The following C1QTNF3 variants were observed in gnomAD, a reference collection of about 807,000 sequenced individuals.
The protein encoded by C1QTNF3 is complement C1q tumor necrosis factor-related protein 3.
C1QTNF3 carries 26 observed loss-of-function variants against 32.6 expected under a neutral mutation model. The ratio of observed to expected loss-of-function variants is 0.80; its 90% confidence interval spans 0.58 to 1.11. The LOEUF (loss-of-function observed/expected upper bound fraction) is 1.11, where lower values mean the gene tolerates loss of function less well. Ranked by LOEUF, C1QTNF3 falls within the 50% of genes least tolerant of loss-of-function variation. The pLI, the probability that C1QTNF3 is intolerant of heterozygous loss-of-function variation, is 0.00. For synonymous variants in C1QTNF3, 155 were observed against 146.0 expected (o/e 1.06, Z -0.44); for missense variants, 362 against 398.2 (o/e 0.91, Z 0.77).
At chr5:34,094,533 G>A in the C1QTNF3 span, among the ~76,000 whole-genome samples, 1 of 149,092 alleles carries the variant, frequency 6.7e-6, no homozygotes, top group Non-Finnish European at 1.5e-5. Context: ...TTGCATTTGG[G>A]ATTTCCATTT....
chr5:34,131,091 A>G, the C1QTNF3 span, among the ~76,000 whole-genome samples: 1 of 152,250 alleles, frequency 6.6e-6, no homozygotes, highest in Admixed American at 6.5e-5. Context: ...TAAAAATGCA[A>G]CCACATATAC....
At chr5:34,237,149 A>C in the C1QTNF3 span, among the ~76,000 whole-genome samples, 32 of 152,322 alleles carry the variant, frequency 2.1e-4, no homozygotes, top group Admixed American at 3.9e-4. Context: ...AAGAGGTTAC[A>C]TAAAGGTAAG....
At chr5:34,211,005 G>A in the C1QTNF3 span, among the ~76,000 whole-genome samples, 26 of 151,448 alleles carry the variant, frequency 1.7e-4, no homozygotes, top group Admixed American at 1.7e-3. Context: ...CAAAAACACT[G>A]CATTTTATTA....
At chr5:34,208,012 A>G in the C1QTNF3 span, among the ~76,000 whole-genome samples, 50 of 152,070 alleles carry the variant, frequency 3.3e-4, no homozygotes, top group South Asian at 4.6e-3. Context: ...CAATGGTCTC[A>G]ATCACCTGAC....
At chr5:34,049,806 T>C in the C1QTNF3 span, among the ~76,000 whole-genome samples, 1 of 152,228 alleles carries the variant, frequency 6.6e-6, no homozygotes, top group Non-Finnish European at 1.5e-5. Flanking sequence ...TTGTTTCCTC[T>C]TCAGGGTCCC....
chr5:34,068,812 G>A, the C1QTNF3 span, among the ~76,000 whole-genome samples: 7 of 152,068 alleles, frequency 4.6e-5, no homozygotes, highest in Non-Finnish European at 1.0e-4. Context: ...ATGTGAAAAG[G>A]CAGAACTCTT....
chr5:34,033,437 T>C lies in C1QTNF3; in HGVS notation c.437A>G (p.Asn146Ser). ...GIPGNHGNNG[N>S]NGATGHEGAK... ...TCCTTCATGACCAGTGGCTCCATTG[T>C]TGCCATTGTTTCCATGGTTTCCTTA... The change falls in exon 3 of 6, where the codon AAC (asparagine) becomes AGC (serine). Residue 146 changes from asparagine to serine, a missense_variant. Coordinates refer to ENST00000382065, the MANE Select transcript of C1QTNF3 (RefSeq NM_181435.6). 1 of 1,614,240 alleles carries C rather than the reference T, an allele frequency of 6.2e-7. No individual in the cohort carries two copies. Among genetic ancestry groups the C allele is most frequent in the Non-Finnish European group, 8.5e-7 (1 of 1,180,032 alleles).
At chr5:34,142,752 C>T in the C1QTNF3 span, among the ~76,000 whole-genome samples, 1 of 152,214 alleles carries the variant, frequency 6.6e-6, no homozygotes. Flanking sequence ...AGGTCTGGCC[C>T]TCTGAAAACA....
chr5:34,080,598 C>T, the C1QTNF3 span, among the ~76,000 whole-genome samples: 91 of 151,828 alleles, frequency 6.0e-4, 4 homozygotes, highest in African/African-American at 2.1e-3. Flanking sequence ...TAAATAAATA[C>T]ATTTTACAGG....
chr5:34,085,136 G>A, the C1QTNF3 span, among the ~76,000 whole-genome samples: 9,170 of 148,180 alleles, frequency 0.062, 1,085 homozygotes, highest in African/African-American at 0.21. Flanking sequence ...GACTACAGGC[G>A]CCTGCCACTA....
chr5:34,238,736 A>G, the C1QTNF3 span, among the ~76,000 whole-genome samples: 1 of 152,062 alleles, frequency 6.6e-6, no homozygotes, highest in Non-Finnish European at 1.5e-5. Flanking sequence ...GTCTATGAAA[A>G]TTTTCCTAAC....
chr5:34,086,119 T>C, the C1QTNF3 span, among the ~76,000 whole-genome samples: 5 of 150,436 alleles, frequency 3.3e-5, no homozygotes, highest in East Asian at 1.9e-4. Context: ...ATAAAAAAGA[T>C]TGAGTTCATA....
At chr5:34,022,448 A>G (rs1031098078) in intron 5 of C1QTNF3, among the ~76,000 whole-genome samples, 4 of 152,238 alleles carry the variant, frequency 2.6e-5, no homozygotes, top group African/African-American at 7.2e-5. Context: ...AAAAACAGCC[A>G]ACAAACCAAT....
the C1QTNF3 span, among the ~76,000 whole-genome samples, chr5:34,082,887 T>C: frequency 1.3e-5 from 2 of 151,806 alleles, no homozygotes; most frequent in Non-Finnish European, 2.9e-5. Flanking sequence ...TATGTACATA[T>C]GTTTCATAGT....
the C1QTNF3 span, among the ~76,000 whole-genome samples, chr5:34,064,538 C>T: frequency 6.6e-6 from 1 of 152,168 alleles, no homozygotes; most frequent in South Asian, 2.1e-4. Context: ...TGACCCTGGA[C>T]ACTTAGCTGT....
the C1QTNF3 span, among the ~76,000 whole-genome samples, chr5:34,069,751 G>T: frequency 2.0e-5 from 3 of 152,132 alleles, no homozygotes; most frequent in Non-Finnish European, 4.4e-5. Context: ...GTAAGCAAAA[G>T]TGAATAGGTA....
At chr5:34,114,193 A>T in the C1QTNF3 span, among the ~76,000 whole-genome samples, 1 of 152,202 alleles carries the variant, frequency 6.6e-6, no homozygotes, top group African/African-American at 2.4e-5. Flanking sequence ...GTTACACTGT[A>T]CCGTCTGCTT....
the C1QTNF3 span, among the ~76,000 whole-genome samples, chr5:34,125,602 A>G: frequency 2.6e-5 from 4 of 151,878 alleles, no homozygotes; most frequent in Admixed American, 6.6e-5. Context: ...GTGTTCTGCA[A>G]AAGTACAGCA....
At chr5:34,178,351 T>A in the C1QTNF3 span, among the ~76,000 whole-genome samples, 1 of 152,024 alleles carries the variant, frequency 6.6e-6, no homozygotes, top group Non-Finnish European at 1.5e-5. Flanking sequence ...ACAAACCATT[T>A]CCCCTTACTT....
Sources: allele counts gnomAD v4.1 joint callset (sites outside exome capture counted in the v4.1 genomes callset), GRCh38; gene constraint gnomAD v4.1.1; transcripts MANE v1.5; gene names NCBI Gene and HGNC (gene_info 2026-07-23, HGNC 2026-07-21).